The following FAM222A variants were observed in gnomAD, a reference collection of about 807,000 sequenced individuals.
The protein encoded by FAM222A is family with sequence similarity 222 member A.
FAM222A carries 7 observed loss-of-function variants against 25.8 expected under a neutral mutation model. The ratio of observed to expected loss-of-function variants is 0.27; its 90% CI spans 0.15 to 0.51. The LOEUF (loss-of-function observed/expected upper bound fraction) is 0.51. Ranked by LOEUF, FAM222A falls within the 20% of genes least tolerant of loss-of-function variation. The pLI, the probability that FAM222A is intolerant of heterozygous loss-of-function variation, is 0.97. For synonymous variants in FAM222A, 294 were observed against 298.8 expected (o/e 0.98, Z 0.17); for missense variants, 573 against 640.5 (o/e 0.89, Z 1.14).
rs751930314 is a variant in FAM222A at position 109,768,008 on chromosome 12, A to G, written c.83-4A>G. The G allele has an allele frequency of 6.2e-7, 1 of 1,609,898 alleles. No individual in the cohort carries two copies. The highest frequency in any genetic ancestry group is 1.1e-5 in the South Asian group (1 of 90,882). On this transcript the variant is annotated splice_polypyrimidine_tract_variant and splice_region_variant and intron_variant, in intron 2 of 2. Transcript: ENST00000538780. ...GGGCCCTCACACCTGCTTTCCTCCCACAGGCGAGGCGGTGGCCAGCGCCAT... is the reference window on the plus strand; with the variant it reads ...GGGCCCTCACACCTGCTTTCCTCCCGCAGGCGAGGCGGTGGCCAGCGCCAT...
intron 1 of FAM222A, among the ~76,000 whole-genome samples, chr12:109,726,475 C>T (rs1427280769): frequency 1.3e-5 from 2 of 152,266 alleles, no homozygotes; most frequent in African/African-American, 2.4e-5. Context: ...CCCCAGATCA[C>T]TGGCTGCAGA....
At chr12:109,723,138 G>T (rs1004913070) in intron 1 of FAM222A, among the ~76,000 whole-genome samples, 1 of 152,106 alleles carries the variant, frequency 6.6e-6, no homozygotes, top group Non-Finnish European at 1.5e-5. Flanking sequence ...AGCAGGGGTG[G>T]CAAGCTGGCA....
intron 1 of FAM222A, among the ~76,000 whole-genome samples, chr12:109,723,953 T>A (rs891549713): frequency 3.3e-5 from 5 of 152,224 alleles, no homozygotes; most frequent in African/African-American, 1.2e-4. Context: ...ATCCCCTTTT[T>A]TTTTCTCCCC....
chr12:109,728,557 C>T (rs1243324073), intron 1 of FAM222A, among the ~76,000 whole-genome samples: 1 of 152,208 alleles, frequency 6.6e-6, no homozygotes, highest in Admixed American at 6.5e-5. Flanking sequence ...TGGGCTTGCA[C>T]CTGCCAGGCC....
intron 2 of FAM222A, among the ~76,000 whole-genome samples, chr12:109,746,631 G>A (rs946268396): frequency 3.9e-5 from 6 of 152,130 alleles, no homozygotes; most frequent in Admixed American, 3.9e-4. Flanking sequence ...TAGCCTTATT[G>A]AGATATAATT....
intron 1 of FAM222A, among the ~76,000 whole-genome samples, chr12:109,721,078 G>A (rs966160027): frequency 6.6e-6 from 1 of 152,224 alleles, no homozygotes; most frequent in East Asian, 1.9e-4. Flanking sequence ...TCCTACTTTG[G>A]CATTTTGTTC....
rs1028924983 is a variant in FAM222A, at chr12:109,714,186, G to A, written c.-758G>A. 2 of 207,190 alleles carry A rather than the reference G, an allele frequency of 9.7e-6. No individual in the cohort carries two copies. Among genetic ancestry groups the A allele is most frequent in the South Asian group, 6.1e-5 (1 of 16,464 alleles). 12.8% of individuals were successfully genotyped at this position (207,190 alleles called of 1,614,324 possible). A position where few individuals can be genotyped will look rare whatever the true frequency, so the allele number is the denominator to read the frequency against. ...CCGAGGCCCCCGAGGCTGCATCCGA[G>A]CTTGCGTCGCCCGCTGCCGCCGCCG... is the stretch of plus-strand genomic sequence containing the variant. On this transcript the variant is annotated 5_prime_UTR_variant, in exon 1 of 3. Coordinates refer to ENST00000538780, the MANE Select transcript of FAM222A (RefSeq NM_032829.3). This position sits in a 1 kb window ranked among gnomAD's most constrained non-coding sequence, Gnocchi z 4.2.
chr12:109,740,075 T>A (rs1888196839), intron 1 of FAM222A, among the ~76,000 whole-genome samples: 1 of 152,202 alleles, frequency 6.6e-6, no homozygotes, highest in Non-Finnish European at 1.5e-5. Flanking sequence ...CCCAAATCCC[T>A]GTTCTTTTCA....
rs1394464918 is a variant in FAM222A at position 109,714,602 on chromosome 12, ACGTGGCGATCACGGG to A, written c.-340_-326del. 1 of 151,738 alleles carries A rather than the reference ACGTGGCGATCACGGG, an allele frequency of 6.6e-6. No homozygotes were observed. The highest frequency in any genetic ancestry group is 1.5e-5 in the Non-Finnish European group (1 of 67,882). 9.4% of individuals were successfully genotyped at this position (151,738 alleles called of 1,614,324 possible). Reference sequence around the variant, plus strand: ...GGGGAGGCGCAGCGCCGCCCGCCGGACGTGGCGATCACGGGCCCCGGCGAAGATGCGTCGCCTGAG... The same window carrying A: ...GGGGAGGCGCAGCGCCGCCCGCCGGACCCCGGCGAAGATGCGTCGCCTGAG... On this transcript the variant is annotated 5_prime_UTR_variant, in exon 1 of 3. Transcript: ENST00000538780. The surrounding 1 kb of genome is among the most constrained non-coding windows in gnomAD (Gnocchi z 4.2).
chr12:109,765,475 T>G (rs1889020218), intron 2 of FAM222A, among the ~76,000 whole-genome samples: 2 of 152,218 alleles, frequency 1.3e-5, no homozygotes, highest in African/African-American at 2.4e-5. Context: ...CATTTGCAGT[T>G]CCCACCCTGA....
Position 109,752,594 on chromosome 12 carries a change from T to C in FAM222A, c.82+8366T>C, listed in dbSNP as rs368352816. ...CGACCAGGCTTTGGACAACATGACC[T>C]TGGATGAGTGGTTCAGCCTTTCAAG... On this transcript the variant is annotated intron_variant, in intron 2 of 2. Transcript: ENST00000538780. 5.3e-5 allele frequency among the ~76,000 whole-genome samples: 8 copies of C among 152,306 alleles called. No homozygotes were observed. The South Asian group carries it at 1.0e-3, about 20-fold the overall frequency.
intron 1 of FAM222A, among the ~76,000 whole-genome samples, chr12:109,718,431 G>T (rs932105087): frequency 6.6e-6 from 1 of 152,146 alleles, no homozygotes; most frequent in Non-Finnish European, 1.5e-5. Context: ...ACAAACCGGA[G>T]GAAGGCAGCG....
intron 2 of FAM222A, among the ~76,000 whole-genome samples, chr12:109,756,909 A>G (rs1184883466): frequency 6.6e-6 from 1 of 152,152 alleles, no homozygotes; most frequent in Non-Finnish European, 1.5e-5. Flanking sequence ...AGAGGTTGTG[A>G]ATAATTAATT....
intron 2 of FAM222A, among the ~76,000 whole-genome samples, chr12:109,767,247 G>A (rs1317827626): frequency 6.6e-6 from 1 of 151,962 alleles, no homozygotes; most frequent in Non-Finnish European, 1.5e-5. Context: ...GAAAGGTTGG[G>A]CCAGGTGCAG....
chr12:109,756,853 G>C (rs988552219), intron 2 of FAM222A, among the ~76,000 whole-genome samples: 1 of 152,088 alleles, frequency 6.6e-6, no homozygotes, highest in Non-Finnish European at 1.5e-5. Context: ...GGGTAATACT[G>C]GCCTTACAGA....
In FAM222A at chr12:109,768,243, T is replaced by C. The variant is rs779871370; in HGVS notation, c.314T>C (p.Ile105Thr). ...GCTGGCTACCAGGGCCTTCTGGCCA[T>C]TGTCAAGGCCGCGGTTTCCTCCTCC... ...HTAGYQGLLA[I>T]VKAAVSSSST... The change falls in exon 3 of 3, where the codon ATT (isoleucine) becomes ACT (threonine). Residue 105 changes from isoleucine to threonine, a missense_variant. Ile to Thr is a moderately conservative substitution (Grantham distance 89). Around this residue, in one of 3 missense-constraint regions of FAM222A, gnomAD observed 112 missense variants for 154.6 expected, o/e 0.72. Transcript: ENST00000538780. 3 of 1,610,618 alleles carry C rather than the reference T, an allele frequency of 1.9e-6. No individual in the cohort carries two copies. The East Asian group carries it at 6.7e-5, about 36-fold the overall frequency.
Position 109,740,862 on chromosome 12 carries a change from G to GTC in FAM222A, c.-46-3238_-46-3237insCT, listed in dbSNP as rs1426906280. Among the ~76,000 whole-genome samples the GTC allele has an allele frequency of 8.5e-5, 13 of 152,338 alleles. No homozygotes were observed. In the East Asian group the frequency reaches 2.3e-3, roughly 27 times the overall value. ...CCTTGGTGTGATTAGAGCAGAGATG[G>GTC]TGGATATCTAGAGGAAGGGAAGGGT... On this transcript the variant is annotated intron_variant, in intron 1 of 2. Coordinates refer to ENST00000538780, the MANE Select transcript of FAM222A (RefSeq NM_032829.3).
In FAM222A at chr12:109,749,065, C is replaced by T. The variant is rs529338748; in HGVS notation, c.82+4837C>T. 5.9e-5 allele frequency among the ~76,000 whole-genome samples: 9 copies of T among 152,168 alleles called. 1 individual carries two copies. Among genetic ancestry groups the T allele is most frequent in the South Asian group, 2.1e-4 (1 of 4,818 alleles). ...TAACCTAAGACTCATTTGAGTCCCA[C>T]GCATCCACACAAATAGTAGGTGTTT... On this transcript the variant is annotated intron_variant, in intron 2 of 2. Coordinates refer to ENST00000538780, the MANE Select transcript of FAM222A (RefSeq NM_032829.3).
intron 1 of FAM222A, among the ~76,000 whole-genome samples, chr12:109,717,738 C>A (rs1416172846): frequency 2.0e-5 from 3 of 152,196 alleles, no homozygotes; most frequent in African/African-American, 7.2e-5. Flanking sequence ...GAAGTGGCCA[C>A]CTCGGTTCTG....
Sources: allele counts gnomAD v4.1 joint callset (sites outside exome capture counted in the v4.1 genomes callset), GRCh38; gene constraint gnomAD v4.1.1; regional missense constraint gnomAD v4.1.1; non-coding constraint Gnocchi (gnomAD v3.1); transcripts MANE v1.5; gene names NCBI Gene and HGNC (gene_info 2026-07-23, HGNC 2026-07-21).